DENND5A: variants seen among roughly 807,000 people sequenced by gnomAD.
The protein encoded by DENND5A is DENN domain containing 5A.
Under a neutral mutation model 140.3 loss-of-function variants are expected in DENND5A, and 64 were observed. That is an observed-to-expected ratio of 0.46 (90% CI 0.37 to 0.56). The LOEUF (loss-of-function observed/expected upper bound fraction) is 0.56, where lower values mean the gene tolerates loss of function less well. Ranked by LOEUF, DENND5A falls within the 20% of genes least tolerant of loss-of-function variation. DENND5A has a pLI of 0.00. For missense variants in DENND5A, 1,292 were observed against 1,593.8 expected, an observed-to-expected ratio of 0.81 and a Z score of 3.22; for synonymous variants, 605 against 607.7, an observed-to-expected ratio of 1.00 and a Z score of 0.07.
intron 1 of DENND5A, among the ~76,000 whole-genome samples, chr11:9,214,995 G>A (rs1351043479): frequency 6.6e-6 from 1 of 152,126 alleles, no homozygotes; most frequent in Non-Finnish European, 1.5e-5. Context: ...CCAAAGTGCT[G>A]GGATTACAGG....
At chr11:9,234,618 G>T (rs1447811219) in intron 1 of DENND5A, among the ~76,000 whole-genome samples, 1 of 152,186 alleles carries the variant, frequency 6.6e-6, no homozygotes, top group Non-Finnish European at 1.5e-5. Context: ...CCACGCTAAA[G>T]GTTACGGGTT....
At chr11:9,165,142 G>C (rs886166201) in intron 11 of DENND5A, among the ~76,000 whole-genome samples, 1 of 152,042 alleles carries the variant, frequency 6.6e-6, no homozygotes, top group Non-Finnish European at 1.5e-5. Flanking sequence ...TGGGATTACA[G>C]GTGCATGCCA....
At chr11:9,157,882 A>G (rs1847862962) in intron 12 of DENND5A, among the ~76,000 whole-genome samples, 1 of 152,224 alleles carries the variant, frequency 6.6e-6, no homozygotes, top group Non-Finnish European at 1.5e-5. Context: ...TGGATTTCAG[A>G]AAGTGCAAGT....
intron 4 of DENND5A, among the ~76,000 whole-genome samples, chr11:9,198,595 G>T (rs1343660103): frequency 1.3e-5 from 2 of 150,658 alleles, no homozygotes; most frequent in African/African-American, 4.9e-5. Context: ...TGGCAACAGA[G>T]CAAGACTCCA....
intron 11 of DENND5A, among the ~76,000 whole-genome samples, chr11:9,163,488 T>C (rs368910233): frequency 6.6e-6 from 1 of 152,172 alleles, no homozygotes; most frequent in Admixed American, 6.6e-5. Context: ...AGCCAGGTCA[T>C]GCATCTCATG....
intron 1 of DENND5A, among the ~76,000 whole-genome samples, chr11:9,246,687 C>G (rs1851486856): frequency 6.6e-6 from 1 of 151,046 alleles, no homozygotes. Context: ...AAGGTTTGTT[C>G]CTGAAGGGCT....
intron 20 of DENND5A, 132 bp downstream of exon 20, chr11:9,143,271 G>A: frequency 1.2e-6 from 1 of 827,240 alleles, no homozygotes; most frequent in Non-Finnish European, 2.0e-6. Context: ...ACTAGCTGAG[G>A]CACACACTCT....
chr11:9,145,143 T>G, intron 17 of DENND5A, 30 bp from the exon 18 acceptor site: 5 of 1,490,014 alleles, frequency 3.4e-6, no homozygotes, highest in Non-Finnish European at 4.7e-6. Context: ...ATGAGGTAGG[T>G]CAGGAAAATC....
intron 13 of DENND5A, 39 bp downstream of exon 13, chr11:9,152,319 G>A: frequency 7.0e-7 from 1 of 1,433,488 alleles, no homozygotes; most frequent in Non-Finnish European, 9.9e-7. Context: ...ATGGAAAAGT[G>A]GAGAGAGGGC....
At chr11:9,148,444 G>C (rs1171821330) in intron 15 of DENND5A, among the ~76,000 whole-genome samples, 1 of 152,118 alleles carries the variant, frequency 6.6e-6, no homozygotes, top group Non-Finnish European at 1.5e-5. Flanking sequence ...ATTTGCCCTA[G>C]AAAAAGAGAC....
rs191575640 is a variant in DENND5A, at chr11:9,172,555, C to T, written c.1907-1778G>A. Reference sequence around the variant, plus strand: ...GGCGGTTTCCCTCATGCTATTCTCGCGATAGTGAGTGAGTTCTCATAGATG... The same window carrying T: ...GGCGGTTTCCCTCATGCTATTCTCGTGATAGTGAGTGAGTTCTCATAGATG... On this transcript the variant is annotated intron_variant, in intron 8 of 22. Transcript: ENST00000328194. Among the ~76,000 whole-genome samples the T allele has an allele frequency of 2.6e-5, 4 of 152,246 alleles. No individual in the cohort carries two copies. The South Asian group carries it at 6.2e-4, about 24-fold the overall frequency.
intron 1 of DENND5A, among the ~76,000 whole-genome samples, chr11:9,259,740 T>C (rs1454350361): frequency 6.6e-6 from 1 of 151,646 alleles, no homozygotes; most frequent in African/African-American, 2.4e-5. Flanking sequence ...ATTAAGAGAC[T>C]ATTTCAGGCC....
intron 1 of DENND5A, among the ~76,000 whole-genome samples, chr11:9,246,862 T>C (rs558320593): frequency 2.6e-5 from 4 of 152,268 alleles, no homozygotes; most frequent in South Asian, 2.1e-4. Flanking sequence ...CTTAAATCAA[T>C]GTGTAACCTC....
At chr11:9,249,461 G>T (rs1851620774) in intron 1 of DENND5A, among the ~76,000 whole-genome samples, 1 of 152,130 alleles carries the variant, frequency 6.6e-6, no homozygotes, top group Non-Finnish European at 1.5e-5. Context: ...GACCTCCCAG[G>T]CTCAAACGAT....
rs766381152 is a variant in DENND5A, at chr11:9,193,494, C to T, written c.1137G>A (p.Glu379=). 1.1e-5 allele frequency: 18 copies of T among 1,598,942 alleles called. No homozygotes were observed. ...DDRSKLELPQ[E]ANLCFVDIDN... ...GAGGCACCAACACTCAAGATCTCAC[C>T]TCTTGAGGCAGCTCCAGCTTTGACC... Residue 379 remains glutamate, a splice_region_variant and synonymous_variant, in exon 5 of 23, where the codon GAG becomes GAA. Coordinates refer to ENST00000328194, the MANE Select transcript of DENND5A (RefSeq NM_015213.4).
At chr11:9,166,171 C>A (rs1027479218) in intron 10 of DENND5A, among the ~76,000 whole-genome samples, 2 of 151,536 alleles carry the variant, frequency 1.3e-5, no homozygotes, top group African/African-American at 4.9e-5. Flanking sequence ...CTCCACCTCC[C>A]AGGCTCAGGC....
At chr11:9,149,325 C>T (rs1191300804) in intron 15 of DENND5A, among the ~76,000 whole-genome samples, 1 of 152,160 alleles carries the variant, frequency 6.6e-6, no homozygotes, top group Non-Finnish European at 1.5e-5. Flanking sequence ...GCTAAGCATA[C>T]CTTTTATGTG....
chr11:9,225,292 A>G (rs1850484074), intron 1 of DENND5A, among the ~76,000 whole-genome samples: 1 of 152,180 alleles, frequency 6.6e-6, no homozygotes, highest in South Asian at 2.1e-4. Flanking sequence ...ATTTCATCAT[A>G]TAGCTTAAAT....
chr11:9,201,581 G>A (rs1035956562), intron 4 of DENND5A, among the ~76,000 whole-genome samples: 7 of 151,962 alleles, frequency 4.6e-5, no homozygotes, highest in African/African-American at 1.7e-4. Context: ...GAGGTGGGAG[G>A]ATCACTTGAG....
Sources: gnomAD v4.1 joint callset for allele counts (sites outside exome capture counted in the v4.1 genomes callset) on GRCh38, gnomAD v4.1.1 for gene constraint, MANE v1.5 for transcripts, NCBI Gene and HGNC (gene_info 2026-07-23, HGNC 2026-07-21) for gene names.